The following GAL3ST1 variants were observed in gnomAD, a reference collection of about 807,000 sequenced individuals.
GAL3ST1 encodes the protein galactose-3-O-sulfotransferase 1.
Under a neutral mutation model 25.0 loss-of-function variants are expected in GAL3ST1, and 13 were observed. The ratio of observed to expected loss-of-function variants is 0.52; its 90% CI spans 0.34 to 0.83. GAL3ST1 has a LOEUF of 0.83. Ranked by LOEUF, GAL3ST1 falls within the 40% of genes least tolerant of loss-of-function variation. The pLI, the probability that GAL3ST1 is intolerant of heterozygous loss-of-function variation, is 0.02. For missense variants in GAL3ST1, 474 were observed against 613.6 expected (o/e 0.77, Z 2.40); for synonymous variants, 274 against 277.8 (o/e 0.99, Z 0.14).
At chr22:30,564,084 A>G (rs777252243) in intron 1 of GAL3ST1, among the ~76,000 whole-genome samples, 4 of 152,216 alleles carry the variant, frequency 2.6e-5, no homozygotes, top group Non-Finnish European at 5.9e-5. Flanking sequence ...TCTGGTCCCA[A>G]GCATTTCGGA....
intron 1 of GAL3ST1, among the ~76,000 whole-genome samples, chr22:30,564,166 G>C (rs2086546739): frequency 6.6e-6 from 1 of 152,152 alleles, no homozygotes; most frequent in Admixed American, 6.6e-5. Flanking sequence ...CATTCCACAG[G>C]GAAAGCACCC....
chr22:30,561,551 A>G (rs556715299), intron 1 of GAL3ST1, among the ~76,000 whole-genome samples: 152 of 152,328 alleles, frequency 1.0e-3, no homozygotes, highest in African/African-American at 3.5e-3. Flanking sequence ...ATTAGAGCCC[A>G]GGTCTATGGA....
At position 30,567,752 on chromosome 22, in the gene GAL3ST1, C is replaced by T. The variant is rs181832330; in HGVS notation, c.-120+6714G>A. Among the ~76,000 whole-genome samples, 569 of 152,162 alleles carry T rather than the reference C, an allele frequency of 3.7e-3. 4 individuals are homozygous for T. Among genetic ancestry groups the T allele is most frequent in the Middle Eastern group, 0.017 (5 of 294 alleles). On this transcript the variant is annotated intron_variant, in intron 1 of 3. Transcript: ENST00000406361. ...ATGCTGGAGTGCACTGGGGCAATCT[C>T]GGCCCACTGCAACCTCTGCCCCCTG...
In GAL3ST1 at chr22:30,555,289, G is replaced by C. The variant is rs770890117; in HGVS notation, c.936C>G (p.Asn312Lys). The change falls in exon 4 of 4, where the codon AAC becomes AAG. Residue 312 changes from asparagine to lysine, a missense_variant. By Grantham distance (94) the Asn-to-Lys change is moderately conservative. Coordinates refer to ENST00000406361, the MANE Select transcript of GAL3ST1 (RefSeq NM_001318104.2). The surrounding 1 kb of genome is among the most constrained non-coding windows in gnomAD (Gnocchi z 8.6). Reference sequence around the variant, plus strand: ...CCTCCACCTTGCGCCAGAAGCTGGCGTTGAAGTGGCGGTAGAGGTGGGAGT... The same window carrying C: ...CCTCCACCTTGCGCCAGAAGCTGGCCTTGAAGTGGCGGTAGAGGTGGGAGT... ...MLDSHLYRHF[N>K]ASFWRKVEAF... 1.9e-6 allele frequency: 3 copies of C among 1,603,948 alleles called. No homozygotes were observed. In the Admixed American group the frequency reaches 5.0e-5, roughly 27 times the overall value.
chr22:30,566,888 C>T (rs542982101), intron 1 of GAL3ST1, among the ~76,000 whole-genome samples: 1 of 152,254 alleles, frequency 6.6e-6, no homozygotes, highest in African/African-American at 2.4e-5. Flanking sequence ...GGATTACAGG[C>T]GTGAGCCACC....
Position 30,555,999 on chromosome 22 carries a change from G to A in GAL3ST1, c.226C>T (p.Arg76Cys), listed in dbSNP as rs1398726436. 3.1e-6 allele frequency: 5 copies of A among 1,611,978 alleles called. No homozygotes were observed. The highest frequency in any genetic ancestry group is 2.2e-5 in the East Asian group (1 of 44,860). The change falls in exon 4 of 4, where the codon CGC becomes TGC. Residue 76 changes from arginine to cysteine, a missense_variant. This residue lies in a region of GAL3ST1 where 115 missense variants were observed against 109.2 expected (regional missense o/e 1.05). Coordinates refer to ENST00000406361, the MANE Select transcript of GAL3ST1 (RefSeq NM_001318104.2). The surrounding 1 kb of genome is among the most constrained non-coding windows in gnomAD (Gnocchi z 8.6). The stretch of plus-strand genomic sequence containing the variant: ...TGCGTCTTCAAGAACACGATGTTGC[G>A]CCGCGGCTGGCACTCCCCCGCCGAG... ...NGSAGECQPR[R>C]NIVFLKTHKT...
intron 1 of GAL3ST1, among the ~76,000 whole-genome samples, chr22:30,563,894 C>T (rs1455873364): frequency 4.1e-5 from 6 of 145,814 alleles, no homozygotes; most frequent in Admixed American, 1.4e-4. Context: ...CCAGCCTGGG[C>T]GACAGAGCGA....
intron 1 of GAL3ST1, among the ~76,000 whole-genome samples, chr22:30,560,016 C>G (rs2086296711): frequency 6.6e-6 from 1 of 152,134 alleles, no homozygotes; most frequent in Non-Finnish European, 1.5e-5. Context: ...ACACACTATG[C>G]CCTGGAAAAG....
At chr22:30,563,753 A>C (rs1303675238) in intron 1 of GAL3ST1, among the ~76,000 whole-genome samples, 1 of 124,174 alleles carries the variant, frequency 8.1e-6, no homozygotes, top group East Asian at 2.1e-4. Context: ...CTCTACTAAA[A>C]ATACAAAAAA....
chr22:30,556,070 C>T lies in GAL3ST1; in HGVS notation c.155G>A (p.Cys52Tyr). The T allele has an allele frequency of 1.2e-6, 2 of 1,608,392 alleles. No homozygotes were observed. The highest frequency in any genetic ancestry group is 1.1e-5 in the South Asian group (1 of 90,986). Residue 52 changes from cysteine to tyrosine, a missense_variant, in exon 4 of 4, where the codon TGC (cysteine) becomes TAC (tyrosine). Around this residue, in one of 2 missense-constraint regions of GAL3ST1, gnomAD observed 115 missense variants for 109.2 expected, o/e 1.05. Transcript: ENST00000406361. Reference protein sequence around the residue: ...ASTTPEAAASCSPPALEPEAV... With the variant: ...ASTTPEAAASYSPPALEPEAV... ...CTCTGGCTCGAGTGCAGGTGGAGAG[C>T]AGGACGCTGCGGCCTCCGGGGTCCT...
intron 1 of GAL3ST1, among the ~76,000 whole-genome samples, chr22:30,569,325 C>G (rs759135460): frequency 6.6e-6 from 1 of 152,076 alleles, no homozygotes; most frequent in Admixed American, 6.5e-5. Flanking sequence ...AACAAGAAGG[C>G]TGGGGAAGTA....
chr22:30,557,255 C>T lies in GAL3ST1; in HGVS notation c.131+7G>A, dbSNP rs1179159938. 1.2e-6 allele frequency: 2 copies of T among 1,613,934 alleles called. No homozygotes were observed. Among genetic ancestry groups the T allele is most frequent in the Non-Finnish European group, 8.5e-7 (1 of 1,179,908 alleles). The stretch of plus-strand genomic sequence containing the variant: ...ACACCCATCATCTGCCCAGCTGGGC[C>T]ACTCACGTGGAGGCCAGGCCGGCAT... On this transcript the variant is annotated splice_region_variant and intron_variant, in intron 3 of 3. Coordinates refer to ENST00000406361, the MANE Select transcript of GAL3ST1 (RefSeq NM_001318104.2).
chr22:30,555,836 C>T lies in GAL3ST1; in HGVS notation c.389G>A (p.Arg130Gln), dbSNP rs148211720. 11 of 1,614,022 alleles carry T rather than the reference C, an allele frequency of 6.8e-6. No individual in the cohort carries two copies. The highest frequency in any genetic ancestry group is 9.3e-6 in the Non-Finnish European group (11 of 1,180,036). ...GATGATGTTGAAGCAGGCCCCGGGC[C>T]GATAGTCCTGCACCAGGCTGCGGGC... Reference protein sequence around the residue: ...FFARSLVQDYRPGACFNIICN... With the variant: ...FFARSLVQDYQPGACFNIICN... Residue 130 changes from arginine to glutamine, a missense_variant, in exon 4 of 4, where the codon CGG (arginine) becomes CAG (glutamine). Physicochemically the swap from Arg to Gln is conservative, Grantham distance 43. This residue lies in a region of GAL3ST1 where 359 missense variants were observed against 504.4 expected (regional missense o/e 0.71). Transcript: ENST00000406361. The surrounding 1 kb of genome is among the most constrained non-coding windows in gnomAD (Gnocchi z 8.6).
rs533086564 is a variant in GAL3ST1 at position 30,573,995 on chromosome 22, C to A, written c.-120+471G>T. Among the ~76,000 whole-genome samples, 10 of 152,318 alleles carry A rather than the reference C, an allele frequency of 6.6e-5. No homozygotes were observed. In the South Asian group the frequency reaches 2.1e-3, roughly 32 times the overall value. On this transcript the variant is annotated intron_variant, in intron 1 of 3. Coordinates refer to ENST00000406361, the MANE Select transcript of GAL3ST1 (RefSeq NM_001318104.2). The stretch of plus-strand genomic sequence containing the variant: ...GGTACAGGCCAGGGCCTTCCCCCAG[C>A]AGAGGGGATCCATCCCTTACTATGG...
In GAL3ST1 at chr22:30,555,733, G is replaced by A. The variant is rs753565359; in HGVS notation, c.492C>T (p.Arg164=). 1.2e-6 allele frequency: 2 copies of A among 1,614,052 alleles called. No homozygotes were observed. Among genetic ancestry groups the A allele is most frequent in the Non-Finnish European group, 1.7e-6 (2 of 1,180,030 alleles). The part of the protein sequence containing the change: ...PTNAIFITVL[R]DPARLFESSF... ...AGGACTCGAACAAGCGGGCGGGGTC[G>A]CGGAGCACCGTGATGAAGATGGCGT... The change falls in exon 4 of 4, where the codon CGC becomes CGT. Residue 164 remains arginine, a synonymous_variant. Coordinates refer to ENST00000406361, the MANE Select transcript of GAL3ST1 (RefSeq NM_001318104.2). The surrounding 1 kb of genome is among the most constrained non-coding windows in gnomAD (Gnocchi z 8.6).
chr22:30,561,510 G>A lies in GAL3ST1; in HGVS notation c.-119-3122C>T, dbSNP rs558431322. ...CCAGGAGGTGACATAACTTGTCCAGGGTCATTCAGCAAAGCGGGGGCAGGG... is the reference window on the plus strand; with the variant it reads ...CCAGGAGGTGACATAACTTGTCCAGAGTCATTCAGCAAAGCGGGGGCAGGG... On this transcript the variant is annotated intron_variant, in intron 1 of 3. Transcript: ENST00000406361. Among the ~76,000 whole-genome samples the A allele has an allele frequency of 9.2e-5, 14 of 152,302 alleles. No homozygotes were observed. In the South Asian group the frequency reaches 2.7e-3, roughly 29 times the overall value.
intron 1 of GAL3ST1, among the ~76,000 whole-genome samples, chr22:30,561,344 C>A (rs1172701783): frequency 6.6e-6 from 1 of 152,170 alleles, no homozygotes; most frequent in Non-Finnish European, 1.5e-5. Flanking sequence ...TACTTTTGAG[C>A]CCCTGTTAGG....
rs1388848996 is a variant in GAL3ST1, at chr22:30,555,228, C to T, written c.997G>A (p.Ala333Thr). Residue 333 changes from alanine (A) to threonine (T), a missense_variant, in exon 4 of 4, where the codon GCC becomes ACC. Ala to Thr is a moderately conservative substitution (Grantham distance 58). Coordinates refer to ENST00000406361, the MANE Select transcript of GAL3ST1 (RefSeq NM_001318104.2). The surrounding 1 kb of genome is among the most constrained non-coding windows in gnomAD (Gnocchi z 8.6). Reference sequence around the variant, plus strand: ...ATGCGCTCGTTGGCATGGCGCAGGGCGGCCACCTCGCGGGCCATGCGCTCC... The same window carrying T: ...ATGCGCTCGTTGGCATGGCGCAGGGTGGCCACCTCGCGGGCCATGCGCTCC... Reference protein sequence around the residue: ...GRERMAREVAALRHANERMRT... With the variant: ...GRERMAREVATLRHANERMRT... 2.5e-6 allele frequency: 4 copies of T among 1,598,060 alleles called. No individual in the cohort carries two copies. The highest frequency in any genetic ancestry group is 2.2e-5 in the South Asian group (2 of 90,608).
Position 30,555,237 on chromosome 22 carries a change from C to T in GAL3ST1, c.988G>A (p.Glu330Lys), listed in dbSNP as rs1448739050. Reference protein sequence around the residue: ...EAFGRERMAREVAALRHANER... With the variant: ...EAFGRERMARKVAALRHANER... ...TTGGCATGGCGCAGGGCGGCCACCT[C>T]GCGGGCCATGCGCTCCCGCCCGAAG... The change falls in exon 4 of 4, where the codon GAG (glutamate) becomes AAG (lysine). Residue 330 changes from glutamate (E) to lysine (K), a missense_variant. Physicochemically the swap from Glu to Lys is moderately conservative, Grantham distance 56. Around this residue, in one of 2 missense-constraint regions of GAL3ST1, gnomAD observed 359 missense variants for 504.4 expected, o/e 0.71. Coordinates refer to ENST00000406361, the MANE Select transcript of GAL3ST1 (RefSeq NM_001318104.2). The surrounding 1 kb of genome is among the most constrained non-coding windows in gnomAD (Gnocchi z 8.6). The T allele has an allele frequency of 2.5e-6, 4 of 1,598,724 alleles. No homozygotes were observed. Among genetic ancestry groups the T allele is most frequent in the Non-Finnish European group, 3.4e-6 (4 of 1,175,698 alleles).
Sources: gnomAD v4.1 joint callset for allele counts (sites outside exome capture counted in the v4.1 genomes callset) on GRCh38, gnomAD v4.1.1 for gene constraint, gnomAD v4.1.1 regional missense constraint, Gnocchi (gnomAD v3.1) non-coding constraint, MANE v1.5 for transcripts, NCBI Gene and HGNC (gene_info 2026-07-23, HGNC 2026-07-21) for gene names.